The following DLGAP2 variants were observed in gnomAD, a reference collection of about 807,000 sequenced individuals.
DLGAP2 encodes DLG associated protein 2.
A neutral mutation model predicts 100.3 loss-of-function variants in DLGAP2; 26 were observed. That is an observed-to-expected ratio of 0.26 (90% CI 0.19 to 0.36). The LOEUF (loss-of-function observed/expected upper bound fraction) is 0.36. DLGAP2 is among the 10% of genes least tolerant of loss of function. The pLI is 1.00. For missense variants in DLGAP2, 1,858 were observed against 1,453.2 expected (o/e 1.28, Z -4.53); for synonymous variants, 886 against 630.1 (o/e 1.41, Z -6.08).
intron 2 of DLGAP2, among the ~76,000 whole-genome samples, chr8:1,033,383 G>C (rs1425336416): frequency 6.6e-6 from 1 of 152,196 alleles, no homozygotes; most frequent in Admixed American, 6.5e-5. Flanking sequence ...TTAGCTGGGG[G>C]TTGGGGGTGG....
At chr8:1,226,008 A>C (rs1411673922) in intron 2 of DLGAP2, among the ~76,000 whole-genome samples, 2 of 152,018 alleles carry the variant, frequency 1.3e-5, no homozygotes, top group Non-Finnish European at 2.9e-5. Context: ...TTCATTTCTC[A>C]TAGGTATATA....
chr8:1,063,385 G>A (rs1803147497), intron 2 of DLGAP2, among the ~76,000 whole-genome samples: 1 of 152,184 alleles, frequency 6.6e-6, no homozygotes, highest in South Asian at 2.1e-4. Flanking sequence ...AGGTCTCGGG[G>A]TTGTACCGTC....
chr8:1,000,600 A>G (rs941979627), intron 2 of DLGAP2, among the ~76,000 whole-genome samples: 25 of 152,166 alleles, frequency 1.6e-4, no homozygotes, highest in African/African-American at 5.8e-4. Flanking sequence ...GTGGTGTTCC[A>G]TTTACGGATG....
chr8:1,431,723 G>A (rs1453276053), intron 3 of DLGAP2, among the ~76,000 whole-genome samples: 1 of 151,956 alleles, frequency 6.6e-6, no homozygotes, highest in East Asian at 1.9e-4. Context: ...TTACTCTCCT[G>A]GGCTATTGGG....
At chr8:1,028,915 A>C (rs1029354679) in intron 2 of DLGAP2, among the ~76,000 whole-genome samples, 2 of 152,116 alleles carry the variant, frequency 1.3e-5, no homozygotes, top group African/African-American at 4.8e-5. Flanking sequence ...CCTGTGAAGG[A>C]CGGCCTGACC....
chr8:1,168,115 A>G (rs1797055993), intron 2 of DLGAP2, among the ~76,000 whole-genome samples: 1 of 139,668 alleles, frequency 7.2e-6, no homozygotes, highest in African/African-American at 2.7e-5. Flanking sequence ...CCCACCTATG[A>G]GTGAGAATCT....
intron 2 of DLGAP2, among the ~76,000 whole-genome samples, chr8:987,973 T>C (rs1023686516): frequency 1.3e-5 from 2 of 152,208 alleles, no homozygotes; most frequent in Admixed American, 1.3e-4. Context: ...TTCAGTGATA[T>C]CCATCAAAAC....
At chr8:1,221,286 G>A (rs191333156) in intron 2 of DLGAP2, among the ~76,000 whole-genome samples, 2 of 152,300 alleles carry the variant, frequency 1.3e-5, no homozygotes, top group East Asian at 3.9e-4. Flanking sequence ...TTCGAAGGCA[G>A]GTCTGGTGCT....
chr8:1,698,877 T>G (rs752472662), intron 14 of DLGAP2, among the ~76,000 whole-genome samples: 5 of 149,060 alleles, frequency 3.4e-5, no homozygotes, highest in African/African-American at 7.5e-5. Context: ...CAGGTCTGCG[T>G]AAGCCATGCA....
At chr8:1,613,555 A>AG (rs1162591152) in intron 6 of DLGAP2, among the ~76,000 whole-genome samples, 3 of 150,512 alleles carry the variant, frequency 2.0e-5, no homozygotes, top group Non-Finnish European at 2.9e-5. Flanking sequence ...AAAAAAAAAA[A>AG]GAAAAGAAAA....
At chr8:1,137,341 A>G (rs1485402606) in intron 2 of DLGAP2, 2 of 152,550 alleles carry the variant, frequency 1.3e-5, no homozygotes, top group African/African-American at 4.8e-5. Flanking sequence ...TGCACCAAAT[A>G]TGGATTTGGG....
intron 5 of DLGAP2, among the ~76,000 whole-genome samples, chr8:1,550,684 T>C (rs562207737): frequency 1.3e-5 from 2 of 152,268 alleles, no homozygotes; most frequent in Admixed American, 6.5e-5. Context: ...ACAAAGAAGG[T>C]AGATCCCTAG....
chr8:1,179,894 T>C (rs923894524), intron 2 of DLGAP2, among the ~76,000 whole-genome samples: 4 of 152,230 alleles, frequency 2.6e-5, no homozygotes, highest in Non-Finnish European at 5.9e-5. Flanking sequence ...CAAATAATTA[T>C]GTGAAAACAA....
chr8:1,038,294 C>A (rs1802193359), intron 2 of DLGAP2, among the ~76,000 whole-genome samples: 1 of 152,048 alleles, frequency 6.6e-6, no homozygotes, highest in Non-Finnish European at 1.5e-5. Context: ...TTTTTTCCTT[C>A]CAAGTGTCCT....
intron 2 of DLGAP2, among the ~76,000 whole-genome samples, chr8:1,242,516 T>C (rs1798819515): frequency 6.6e-6 from 1 of 152,194 alleles, no homozygotes; most frequent in African/African-American, 2.4e-5. Context: ...CCCGCCCACT[T>C]CCTCTTCAAT....
intron 2 of DLGAP2, among the ~76,000 whole-genome samples, chr8:1,252,732 G>GC (rs1799075061): frequency 6.6e-6 from 1 of 152,260 alleles, no homozygotes. Flanking sequence ...GGCCAGGCAG[G>GC]CCTGCTGTCA....
At chr8:801,810 G>T (rs999846123) in intron 1 of DLGAP2, among the ~76,000 whole-genome samples, 1 of 152,144 alleles carries the variant, frequency 6.6e-6, no homozygotes, top group Non-Finnish European at 1.5e-5. Flanking sequence ...GTCCCTGCTC[G>T]GGGATGGCTC....
intron 1 of DLGAP2, among the ~76,000 whole-genome samples, chr8:828,516 C>T (rs191872848): frequency 0.016 from 2,500 of 152,314 alleles, 65 homozygotes; most frequent in African/African-American, 0.057. Context: ...CAATTGCTGT[C>T]ATCCTGTTCT....
At chr8:1,165,620 G>T (rs774405250) in intron 2 of DLGAP2, among the ~76,000 whole-genome samples, 3 of 152,210 alleles carry the variant, frequency 2.0e-5, no homozygotes, top group African/African-American at 4.8e-5. Flanking sequence ...TTGTGCAGTC[G>T]CTGCGTGTGA....
Sources: allele counts gnomAD v4.1 joint callset (sites outside exome capture counted in the v4.1 genomes callset), GRCh38; gene constraint gnomAD v4.1.1; transcripts MANE v1.5; gene names NCBI Gene and HGNC (gene_info 2026-07-23, HGNC 2026-07-21).